The following WDR33 variants were observed in gnomAD, a reference collection of about 807,000 sequenced individuals.
WDR33 encodes pre-mRNA 3' end processing protein WDR33.
Under a neutral mutation model 164.9 loss-of-function variants are expected in WDR33, and 47 were observed. The ratio of observed to expected loss-of-function variants is 0.29; its 90% CI spans 0.23 to 0.36. The LOEUF is 0.36. WDR33 is among the 10% of genes least tolerant of loss of function. The pLI is 1.00. For missense variants in WDR33, 1,137 were observed against 1,754.1 expected (o/e 0.65, Z 6.28); for synonymous variants, 505 against 589.0 (o/e 0.86, Z 2.06).
In WDR33 at chr2:127,702,080, G is replaced by A; in HGVS notation, c.*4243C>T. ...AGGTGGCCGCGCTGCTGGCCGCGCT[G>A]GTTGGGCTGCTGCCCTGGGGCGGCG... On this transcript the variant is annotated 3_prime_UTR_variant, in exon 22 of 22. Coordinates refer to ENST00000322313, the MANE Select transcript of WDR33 (RefSeq NM_018383.5). The A allele has an allele frequency of 1.6e-6, 2 of 1,225,322 alleles. No individual in the cohort carries two copies. The highest frequency in any genetic ancestry group is 2.0e-6 in the Non-Finnish European group (2 of 985,870). 75.9% of individuals were successfully genotyped at this position (1,225,322 alleles called of 1,614,324 possible).
intron 1 of WDR33, among the ~76,000 whole-genome samples, chr2:127,789,662 G>A (rs935139410): frequency 2.6e-5 from 4 of 151,384 alleles, no homozygotes; most frequent in East Asian, 2.0e-4. Context: ...CTTCGGCTCC[G>A]CATCTTCCTT....
intron 2 of WDR33, among the ~76,000 whole-genome samples, chr2:127,769,225 T>G (rs1687917371): frequency 6.6e-6 from 1 of 152,192 alleles, no homozygotes; most frequent in African/African-American, 2.4e-5. Context: ...AGGTGCCTCA[T>G]GCCTGTAATC....
intron 1 of WDR33, among the ~76,000 whole-genome samples, chr2:127,775,812 G>A (rs1012087463): frequency 1.3e-5 from 2 of 151,720 alleles, no homozygotes; most frequent in Non-Finnish European, 2.9e-5. Flanking sequence ...ACTTTTCCTT[G>A]AATGATCAAG....
chr2:127,763,015 T>C lies in WDR33; in HGVS notation c.724+47A>G. 1.2e-6 allele frequency: 2 copies of C among 1,613,004 alleles called. No individual in the cohort carries two copies. The highest frequency in any genetic ancestry group is 8.5e-7 in the Non-Finnish European group (1 of 1,179,254). On this transcript the variant is annotated intron_variant, in intron 7 of 21. Coordinates refer to ENST00000322313, the MANE Select transcript of WDR33 (RefSeq NM_018383.5). The surrounding 1 kb of genome is among the most constrained non-coding windows in gnomAD (Gnocchi z 4.5). ...GGTTTTGTGATGATTTAACCACAAA[T>C]GTCTTCCCTATTTAAATATTCCAAT...
At chr2:127,729,593 T>C (rs552769248) in intron 7 of WDR33, among the ~76,000 whole-genome samples, 1 of 152,092 alleles carries the variant, frequency 6.6e-6, no homozygotes, top group East Asian at 1.9e-4. Context: ...CCTCCCGGGT[T>C]CAAGCGATTC....
chr2:127,706,579 AC>A lies in WDR33; in HGVS notation c.3782-28del. On this transcript the variant is annotated intron_variant, in intron 21 of 21. Coordinates refer to ENST00000322313, the MANE Select transcript of WDR33 (RefSeq NM_018383.5). The surrounding 1 kb of genome is among the most constrained non-coding windows in gnomAD (Gnocchi z 5.1). ...TGAAACAAAGAAAATTTCACATGGG[AC>A]TTTTTGTATTAGCAACTGTTTGTCA... is the stretch of plus-strand genomic sequence containing the variant. 1 of 1,576,996 alleles carries A rather than the reference AC, an allele frequency of 6.3e-7. No homozygotes were observed. The highest frequency in any genetic ancestry group is 8.6e-7 in the Non-Finnish European group (1 of 1,163,032).
At chr2:127,786,520 T>C (rs1450791236) in intron 1 of WDR33, among the ~76,000 whole-genome samples, 3 of 152,126 alleles carry the variant, frequency 2.0e-5, no homozygotes, top group Non-Finnish European at 4.4e-5. Flanking sequence ...TTGTCTCTAC[T>C]AAAAATACAA....
rs545563553 is a variant in WDR33, at chr2:127,732,232, A to G, written c.725-5455T>C. Among the ~76,000 whole-genome samples, 5 of 152,198 alleles carry G rather than the reference A, an allele frequency of 3.3e-5. No individual in the cohort carries two copies. In the South Asian group the frequency reaches 1.0e-3, roughly 32 times the overall value. ...TGTATAAAATAATACTTAAGCTAGTAACCGTTTTTTAGGGAGATGAAATGG... is the reference window on the plus strand; with the variant it reads ...TGTATAAAATAATACTTAAGCTAGTGACCGTTTTTTAGGGAGATGAAATGG... On this transcript the variant is annotated intron_variant, in intron 7 of 21. Coordinates refer to ENST00000322313, the MANE Select transcript of WDR33 (RefSeq NM_018383.5).
chr2:127,761,095 C>T (rs543588738), intron 7 of WDR33, among the ~76,000 whole-genome samples: 2 of 152,274 alleles, frequency 1.3e-5, no homozygotes, highest in East Asian at 1.9e-4. Flanking sequence ...GACTCAAAAA[C>T]GTTATCACAT....
intron 1 of WDR33, among the ~76,000 whole-genome samples, chr2:127,803,128 A>G (rs1355793100): frequency 6.6e-6 from 1 of 152,214 alleles, no homozygotes; most frequent in Non-Finnish European, 1.5e-5. Flanking sequence ...ACTTTTGAAG[A>G]AAGTTCATCT....
intron 1 of WDR33, among the ~76,000 whole-genome samples, chr2:127,779,633 TGTTA>T (rs1483165948): frequency 6.6e-6 from 1 of 152,226 alleles, no homozygotes; most frequent in Non-Finnish European, 1.5e-5. Flanking sequence ...AAGGGCTTGC[TGTTA>T]GTAACACTGT....
intron 7 of WDR33, among the ~76,000 whole-genome samples, chr2:127,762,185 T>C (rs1443710394): frequency 6.6e-6 from 1 of 152,150 alleles, no homozygotes; most frequent in Non-Finnish European, 1.5e-5. Context: ...AGATGGTACT[T>C]TTGTGGCATC....
rs1369554498 is a variant in WDR33, at chr2:127,701,859, C to T, written c.*4464G>A. On this transcript the variant is annotated 3_prime_UTR_variant, in exon 22 of 22. Transcript: ENST00000322313. ...GCTGCGCGCGCGCAAGTTCGCGCTG[C>T]TCTGGTCACTGGGCTCGGCGCTGGC... The T allele has an allele frequency of 6.8e-7, 1 of 1,461,064 alleles. No homozygotes were observed. Among genetic ancestry groups the T allele is most frequent in the Non-Finnish European group, 9.0e-7 (1 of 1,111,854 alleles). 90.5% of individuals were successfully genotyped at this position (1,461,064 alleles called of 1,614,324 possible).
rs1037900702 is a variant in WDR33, at chr2:127,738,168, A to C, written c.725-11391T>G. 96 of 879,608 alleles carry C rather than the reference A, an allele frequency of 1.1e-4. No homozygotes were observed. The highest frequency in any genetic ancestry group is 8.3e-4 in the Admixed American group (22 of 26,666). The allele number at this position is 879,608 out of a possible 1,614,324, so 54.5% of individuals were successfully genotyped here. A position where few individuals can be genotyped will look rare whatever the true frequency, so the allele number is the denominator to read the frequency against. Reference sequence around the variant, plus strand: ...GATATGACTGAGATTTTTTTCTATTAATGAGTAATCTGAGATAACATATGC... The same window carrying C: ...GATATGACTGAGATTTTTTTCTATTCATGAGTAATCTGAGATAACATATGC... On this transcript the variant is annotated intron_variant, in intron 7 of 21. Transcript: ENST00000322313. The surrounding 1 kb of genome is among the most constrained non-coding windows in gnomAD (Gnocchi z 4.4).
chr2:127,736,340 T>C (rs1686841288), intron 7 of WDR33: 1 of 985,398 alleles, frequency 1.0e-6, no homozygotes, highest in Non-Finnish European at 1.2e-6. Context: ...TAATTTGTAA[T>C]GTGTATTTCT....
chr2:127,760,286 A>G (rs1056442370), intron 7 of WDR33, among the ~76,000 whole-genome samples: 9 of 152,238 alleles, frequency 5.9e-5, no homozygotes, highest in African/African-American at 1.9e-4. Context: ...CTTAACTCCA[A>G]AAGTAATGAC....
intron 5 of WDR33, 38 bp downstream of exon 5, chr2:127,765,136 A>T (rs551863966): frequency 1.3e-6 from 2 of 1,593,894 alleles, no homozygotes; most frequent in South Asian, 2.2e-5. Context: ...TCTTTACAGT[A>T]CCACAGGATG....
chr2:127,706,680 G>T lies in WDR33; in HGVS notation c.3782-128C>A. The T allele has an allele frequency of 1.3e-6, 1 of 790,960 alleles. No individual in the cohort carries two copies. The allele number at this position is 790,960 out of a possible 1,614,324, so 49.0% of individuals were successfully genotyped here. ...GTGGGTGCCAGGGAGACTGGCAGTG[G>T]TATTCAGCGTACTGAGAGGTGTGCC... is the stretch of plus-strand genomic sequence containing the variant. On this transcript the variant is annotated intron_variant, in intron 21 of 21. Transcript: ENST00000322313. The surrounding 1 kb of genome is among the most constrained non-coding windows in gnomAD (Gnocchi z 5.1).
At chr2:127,797,029 T>C (rs985020457) in intron 1 of WDR33, among the ~76,000 whole-genome samples, 5 of 152,006 alleles carry the variant, frequency 3.3e-5, no homozygotes, top group Non-Finnish European at 1.5e-5. Context: ...CCACCAGTCA[T>C]TCCACCACAC....
Sources: gnomAD v4.1 joint callset for allele counts (sites outside exome capture counted in the v4.1 genomes callset) on GRCh38, gnomAD v4.1.1 for gene constraint, Gnocchi (gnomAD v3.1) non-coding constraint, MANE v1.5 for transcripts, NCBI Gene and HGNC (gene_info 2026-07-23, HGNC 2026-07-21) for gene names.